Variants in KIF26B observed in about 807,000 individuals in gnomAD.
The protein encoded by KIF26B is kinesin family member 26B.
A neutral mutation model predicts 151.2 loss-of-function variants in KIF26B; 63 were observed. The observed-to-expected ratio is 0.42, with a 90% CI of 0.34 to 0.51. The LOEUF (loss-of-function observed/expected upper bound fraction) is 0.51. Ranked by LOEUF, KIF26B falls within the 20% of genes least tolerant of loss-of-function variation. The pLI is 0.07. For synonymous variants in KIF26B, 1,357 were observed against 1,262.1 expected, an observed-to-expected ratio of 1.08 and a Z score of -1.59; for missense variants, 2,813 against 2,913.6, an observed-to-expected ratio of 0.97 and a Z score of 0.79.
At position 245,358,561 on chromosome 1, in the gene KIF26B, G is replaced by T. The variant is rs1672747919; in HGVS notation, c.466-8273G>T. Among the ~76,000 whole-genome samples the T allele has an allele frequency of 6.6e-6, 1 of 152,166 alleles. No homozygotes were observed. The highest frequency in any genetic ancestry group is 2.1e-4 in the South Asian group (1 of 4,828). On this transcript the variant is annotated intron_variant, in intron 2 of 14. Transcript: ENST00000407071. This position sits in a 1 kb window ranked among gnomAD's most constrained non-coding sequence, Gnocchi z 4.1. Reference sequence around the variant, plus strand: ...AAACAAAACAGCCAAGTACATTTATGCAGCATTTCATGAATATGAAGTCAA... The same window carrying T: ...AAACAAAACAGCCAAGTACATTTATTCAGCATTTCATGAATATGAAGTCAA...
chr1:245,413,024 C>A (rs1038917461), intron 3 of KIF26B, among the ~76,000 whole-genome samples: 1 of 152,142 alleles, frequency 6.6e-6, no homozygotes, highest in Non-Finnish European at 1.5e-5. Flanking sequence ...TAACAGATAT[C>A]CTTAAGGAGT....
chr1:245,622,347 C>CT lies in KIF26B; in HGVS notation c.2098+10378dup, dbSNP rs1033359801. 1.4e-4 allele frequency among the ~76,000 whole-genome samples: 21 copies of CT among 152,278 alleles called. 3 individuals are homozygous for CT. Among genetic ancestry groups the CT allele is most frequent in the African/African-American group, 5.1e-4 (21 of 41,558 alleles). On this transcript the variant is annotated intron_variant, in intron 9 of 14. Coordinates refer to ENST00000407071, the MANE Select transcript of KIF26B (RefSeq NM_018012.4). ...AATGCTTTCTTTAAGTATTTCTCAC[C>CT]TTTTTTTCTCAGTACTAGATATGGA...
chr1:245,229,606 C>G (rs989506940), intron 2 of KIF26B, among the ~76,000 whole-genome samples: 3 of 152,182 alleles, frequency 2.0e-5, no homozygotes, highest in African/African-American at 7.2e-5. Context: ...TGTATACTCA[C>G]TGTGTTTGCG....
intron 2 of KIF26B, among the ~76,000 whole-genome samples, chr1:245,205,036 T>G (rs2103540109): frequency 6.6e-6 from 1 of 152,282 alleles, no homozygotes; most frequent in South Asian, 2.1e-4. Flanking sequence ...TCTTGCTGCC[T>G]TGGACTCCCA....
At chr1:245,651,453 G>T (rs925734174) in intron 10 of KIF26B, among the ~76,000 whole-genome samples, 1 of 152,176 alleles carries the variant, frequency 6.6e-6, no homozygotes, top group Non-Finnish European at 1.5e-5. Context: ...CTCCTTGCCT[G>T]GAGAAGTGCT....
At chr1:245,316,362 G>C (rs1338629143) in intron 2 of KIF26B, among the ~76,000 whole-genome samples, 2 of 152,024 alleles carry the variant, frequency 1.3e-5, no homozygotes, top group East Asian at 3.9e-4. Context: ...GACCCCAGGT[G>C]ATCCGCCTGC....
chr1:245,182,836 C>T (rs1335879335), intron 2 of KIF26B, among the ~76,000 whole-genome samples: 5 of 152,136 alleles, frequency 3.3e-5, no homozygotes, highest in African/African-American at 7.2e-5. Context: ...AGGGTTTCAC[C>T]GTGTTAGCCA....
chr1:245,648,524 A>C (rs907924369), intron 10 of KIF26B, among the ~76,000 whole-genome samples: 2 of 151,892 alleles, frequency 1.3e-5, no homozygotes, highest in African/African-American at 4.8e-5. Context: ...AGTCCCAGCT[A>C]CTTGGGAGGC....
chr1:245,616,030 A>C (rs981582734), intron 9 of KIF26B, among the ~76,000 whole-genome samples: 7 of 152,228 alleles, frequency 4.6e-5, no homozygotes, highest in Admixed American at 3.9e-4. Context: ...GCAAGAACTA[A>C]ATAGACTCTG....
chr1:245,157,154 A>G (rs1573677721), intron 2 of KIF26B, among the ~76,000 whole-genome samples: 1 of 152,228 alleles, frequency 6.6e-6, no homozygotes, highest in East Asian at 1.9e-4. Context: ...AAACAGAAAC[A>G]TACTCGAAAG....
chr1:245,540,392 T>C lies in KIF26B; in HGVS notation c.1167-375T>C, dbSNP rs968748684. On this transcript the variant is annotated intron_variant, in intron 4 of 14. Coordinates refer to ENST00000407071, the MANE Select transcript of KIF26B (RefSeq NM_018012.4). This position sits in a 1 kb window ranked among gnomAD's most constrained non-coding sequence, Gnocchi z 4.6. ...AGAGTTTTTAAATTAGCTCATGAGG[T>C]CTCTCGCACCTGAGTTTATGCCAGA... 1.3e-5 allele frequency among the ~76,000 whole-genome samples: 2 copies of C among 152,128 alleles called. No individual in the cohort carries two copies. The highest frequency in any genetic ancestry group is 4.8e-5 in the African/African-American group (2 of 41,414).
chr1:245,337,850 C>T (rs1281864193), intron 2 of KIF26B, among the ~76,000 whole-genome samples: 1 of 152,152 alleles, frequency 6.6e-6, no homozygotes, highest in Non-Finnish European at 1.5e-5. Context: ...GCTTGTGTTT[C>T]TTTAAAAGAA....
chr1:245,210,997 T>C (rs1175599822), intron 2 of KIF26B, among the ~76,000 whole-genome samples: 1 of 152,204 alleles, frequency 6.6e-6, no homozygotes, highest in Non-Finnish European at 1.5e-5. Flanking sequence ...AGACCAAAAA[T>C]ATATCCCTCA....
At chr1:245,219,585 T>A (rs1669722916) in intron 2 of KIF26B, among the ~76,000 whole-genome samples, 1 of 151,878 alleles carries the variant, frequency 6.6e-6, no homozygotes, top group South Asian at 2.1e-4. Context: ...ATACAAAAAA[T>A]TAGCCAGGTG....
At chr1:245,198,706 A>AAT (rs1433069764) in intron 2 of KIF26B, among the ~76,000 whole-genome samples, 1 of 151,354 alleles carries the variant, frequency 6.6e-6, no homozygotes, top group Non-Finnish European at 1.5e-5. Flanking sequence ...TAGCCTGGGC[A>AAT]ATAGAGAGAG....
rs1028645269 is a variant in KIF26B at position 245,659,130 on chromosome 1, C to T, written c.2258+12850C>T. ...GCGTGTGCCTGTAGTCCCAGCTACTCGGCAGGCTGAGGTGGGAGGATTGCG... is the reference window on the plus strand; with the variant it reads ...GCGTGTGCCTGTAGTCCCAGCTACTTGGCAGGCTGAGGTGGGAGGATTGCG... On this transcript the variant is annotated intron_variant, in intron 10 of 14. Coordinates refer to ENST00000407071, the MANE Select transcript of KIF26B (RefSeq NM_018012.4). Among the ~76,000 whole-genome samples, 8 of 151,900 alleles carry T rather than the reference C, an allele frequency of 5.3e-5. No individual in the cohort carries two copies. The East Asian group carries it at 5.8e-4, about 11-fold the overall frequency.
At chr1:245,217,259 G>A (rs1003942270) in intron 2 of KIF26B, among the ~76,000 whole-genome samples, 4 of 152,078 alleles carry the variant, frequency 2.6e-5, no homozygotes, top group Admixed American at 1.3e-4. Flanking sequence ...AGGAAACGCC[G>A]TATTGAGGAG....
chr1:245,589,591 A>G (rs1449020742), intron 5 of KIF26B, among the ~76,000 whole-genome samples: 4 of 152,212 alleles, frequency 2.6e-5, no homozygotes, highest in Non-Finnish European at 5.9e-5. Context: ...AAGAAAATGG[A>G]CTTTGGGGAA....
At chr1:245,405,380 G>A (rs1015751737) in intron 3 of KIF26B, among the ~76,000 whole-genome samples, 1 of 152,200 alleles carries the variant, frequency 6.6e-6, no homozygotes, top group Non-Finnish European at 1.5e-5. Context: ...CATTGGTTTT[G>A]ATTCTTAAGC....
Sources: gnomAD v4.1 joint callset for allele counts (sites outside exome capture counted in the v4.1 genomes callset) on GRCh38, gnomAD v4.1.1 for gene constraint, Gnocchi (gnomAD v3.1) non-coding constraint, MANE v1.5 for transcripts, NCBI Gene and HGNC (gene_info 2026-07-23, HGNC 2026-07-21) for gene names.